BBOX1: variants seen among roughly 807,000 people sequenced by gnomAD.
BBOX1 encodes the protein gamma-butyrobetaine hydroxylase 1.
In BBOX1, 35 loss-of-function variants were observed where a neutral mutation model predicts 41.6. That is an observed-to-expected ratio of 0.84 (90% CI 0.64 to 1.11). The LOEUF (loss-of-function observed/expected upper bound fraction) is 1.11. BBOX1 is among the 50% of genes most tolerant of loss of function. BBOX1 has a pLI of 0.00. For missense variants in BBOX1, 458 were observed against 460.6 expected, an observed-to-expected ratio of 0.99 and a Z score of 0.05; for synonymous variants, 163 against 154.7, an observed-to-expected ratio of 1.05 and a Z score of -0.40.
rs186875508 is a variant in BBOX1 at position 27,074,900 on chromosome 11, T to C, written c.334+17585T>C. Among the ~76,000 whole-genome samples, 35 of 152,346 alleles carry C rather than the reference T, an allele frequency of 2.3e-4. No homozygotes were observed. The East Asian group carries it at 6.6e-3, about 29-fold the overall frequency. ...TCTGCCTCTGTGGGTCTGCAGGGTA[T>C]AGCCCCTGTAGCTGCTTTCACAGGC... On this transcript the variant is annotated intron_variant, in intron 4 of 8. Coordinates refer to ENST00000263182, the MANE Select transcript of BBOX1 (RefSeq NM_003986.3).
At chr11:27,084,527 C>A (rs1857965636) in intron 4 of BBOX1, among the ~76,000 whole-genome samples, 1 of 152,064 alleles carries the variant, frequency 6.6e-6, no homozygotes, top group South Asian at 2.1e-4. Flanking sequence ...GCTGCCTTTC[C>A]TCTAGGACAG....
At chr11:27,097,822 A>T (rs1382955790) in intron 5 of BBOX1, among the ~76,000 whole-genome samples, 3 of 151,976 alleles carry the variant, frequency 2.0e-5, no homozygotes, top group Non-Finnish European at 4.4e-5. Context: ...AAATGAATCC[A>T]CTCCTCAAAA....
At chr11:27,125,950 C>A in intron 8 of BBOX1, 130 bp downstream of exon 8, 1 of 955,078 alleles carries the variant, frequency 1.0e-6, no homozygotes, top group Non-Finnish European at 1.5e-6. Context: ...TCTTGGTGAG[C>A]AACTGACTTG....
At chr11:27,104,942 C>T (rs1858807881) in intron 5 of BBOX1, among the ~76,000 whole-genome samples, 1 of 152,206 alleles carries the variant, frequency 6.6e-6, no homozygotes, top group Non-Finnish European at 1.5e-5. Flanking sequence ...GCAATATTCA[C>T]TGTTCTGCAG....
chr11:27,059,700 C>T (rs1198173619), intron 4 of BBOX1, among the ~76,000 whole-genome samples: 1 of 152,192 alleles, frequency 6.6e-6, no homozygotes, highest in East Asian at 1.9e-4. Flanking sequence ...TCCCTTGTAC[C>T]ATTGTGTCCT....
At chr11:27,049,008 T>G (rs918025526) in intron 2 of BBOX1, among the ~76,000 whole-genome samples, 1 of 151,208 alleles carries the variant, frequency 6.6e-6, no homozygotes, top group Non-Finnish European at 1.5e-5. Flanking sequence ...TTTGGTTTTT[T>G]GTTCTTGTGA....
chr11:27,072,923 T>G (rs966519340), intron 4 of BBOX1, among the ~76,000 whole-genome samples: 8 of 152,168 alleles, frequency 5.3e-5, no homozygotes, highest in African/African-American at 1.9e-4. Context: ...TCAAGACGGA[T>G]TAAAGACTTA....
chr11:27,110,199 T>C (rs1011418775), intron 5 of BBOX1, among the ~76,000 whole-genome samples: 12 of 151,958 alleles, frequency 7.9e-5, no homozygotes, highest in Non-Finnish European at 1.6e-4. Context: ...ATCATGATTC[T>C]CATGTTTAGG....
intron 4 of BBOX1, among the ~76,000 whole-genome samples, chr11:27,077,105 T>G (rs892690300): frequency 6.6e-6 from 1 of 152,098 alleles, no homozygotes; most frequent in African/African-American, 2.4e-5. Context: ...AGGGTGTTTG[T>G]CTGCACTTGA....
intron 5 of BBOX1, among the ~76,000 whole-genome samples, chr11:27,108,912 T>A (rs938837813): frequency 2.6e-5 from 4 of 152,038 alleles, no homozygotes; most frequent in African/African-American, 4.8e-5. Flanking sequence ...TAATACCCTT[T>A]ACCGTATACC....
At chr11:27,110,275 C>T (rs572778765) in intron 5 of BBOX1, among the ~76,000 whole-genome samples, 1 of 152,100 alleles carries the variant, frequency 6.6e-6, no homozygotes, top group South Asian at 2.1e-4. Context: ...ACCCCTTACT[C>T]AGTGGCTAGA....
At chr11:27,085,161 T>C (rs1399132689) in intron 4 of BBOX1, among the ~76,000 whole-genome samples, 1 of 152,154 alleles carries the variant, frequency 6.6e-6, no homozygotes, top group Non-Finnish European at 1.5e-5. Flanking sequence ...GCAGACATCA[T>C]AGAATAATTT....
chr11:27,049,770 TG>T (rs1851611968), intron 2 of BBOX1, among the ~76,000 whole-genome samples: 1 of 152,176 alleles, frequency 6.6e-6, no homozygotes, highest in Non-Finnish European at 1.5e-5. Context: ...GGCCCTCAGA[TG>T]TATGATTTAC....
chr11:27,049,745 A>C (rs2133949826), intron 2 of BBOX1, among the ~76,000 whole-genome samples: 1 of 152,316 alleles, frequency 6.6e-6, no homozygotes, highest in East Asian at 1.9e-4. Context: ...GATTAAAATA[A>C]GTAAAAACAT....
intron 6 of BBOX1, 139 bp from the exon 7 acceptor site, chr11:27,119,510 C>A: frequency 2.0e-6 from 1 of 490,902 alleles, no homozygotes; most frequent in Non-Finnish European, 3.0e-6. Flanking sequence ...TCATTCATAG[C>A]TTTTTGAATC....
At chr11:27,071,766 A>G (rs1328360369) in intron 4 of BBOX1, among the ~76,000 whole-genome samples, 1 of 152,214 alleles carries the variant, frequency 6.6e-6, no homozygotes, top group East Asian at 1.9e-4. Flanking sequence ...CTGGTTCAAC[A>G]TACAAAAATC....
chr11:27,104,439 A>G (rs1386149740), intron 5 of BBOX1, among the ~76,000 whole-genome samples: 1 of 152,158 alleles, frequency 6.6e-6, no homozygotes, highest in East Asian at 1.9e-4. Flanking sequence ...AGATGTTGTC[A>G]TTGAATTCTT....
intron 4 of BBOX1, among the ~76,000 whole-genome samples, chr11:27,084,947 T>C (rs1171389925): frequency 1.3e-5 from 2 of 152,174 alleles, no homozygotes; most frequent in Non-Finnish European, 2.9e-5. Context: ...ATCTTAAATA[T>C]TCCATCATTT....
chr11:27,090,895 G>A (rs565994796), intron 4 of BBOX1, among the ~76,000 whole-genome samples: 197 of 151,936 alleles, frequency 1.3e-3, no homozygotes, highest in African/African-American at 4.4e-3. Flanking sequence ...CTACTTGCAC[G>A]TCCATTTATA....
Sources: allele counts gnomAD v4.1 joint callset (sites outside exome capture counted in the v4.1 genomes callset), GRCh38; gene constraint gnomAD v4.1.1; transcripts MANE v1.5; gene names NCBI Gene and HGNC (gene_info 2026-07-23, HGNC 2026-07-21).